RXRA: variants seen among roughly 807,000 people sequenced by gnomAD.
RXRA encodes retinoic acid receptor RXR-alpha.
Under a neutral mutation model 44.5 loss-of-function variants are expected in RXRA, and 5 were observed. The observed-to-expected ratio is 0.11, with a 90% CI of 0.06 to 0.24. The LOEUF is 0.24. Ranked by LOEUF, RXRA falls within the 10% of genes least tolerant of loss-of-function variation. The pLI is 1.00. For missense variants in RXRA, 412 were observed against 646.5 expected (o/e 0.64, Z 3.93); for synonymous variants, 291 against 271.4 (o/e 1.07, Z -0.71).
intron 1 of RXRA, among the ~76,000 whole-genome samples, chr9:134,388,088 T>C (rs1830746724): frequency 6.6e-6 from 1 of 152,124 alleles, no homozygotes; most frequent in African/African-American, 2.4e-5. Flanking sequence ...GGTTTACTCA[T>C]CTGTAAAGTG....
intron 6 of RXRA, 47 bp from the exon 7 acceptor site, chr9:134,429,061 C>A: frequency 6.2e-7 from 1 of 1,607,738 alleles, no homozygotes; most frequent in Non-Finnish European, 8.5e-7. Context: ...AGGGGCGAGC[C>A]CCGTGGGGCC....
At chr9:134,403,746 G>C (rs34799097) in intron 2 of RXRA, 34 of 152,772 alleles carry the variant, frequency 2.2e-4, no homozygotes, top group African/African-American at 7.9e-4. Context: ...GTTGCTTCCT[G>C]TGCAGCCAGG....
At chr9:134,336,072 C>T (rs1439813724) in intron 1 of RXRA, among the ~76,000 whole-genome samples, 1 of 152,286 alleles carries the variant, frequency 6.6e-6, no homozygotes, top group South Asian at 2.1e-4. Context: ...ACTTTCTGCC[C>T]AGGATCAAGG....
chr9:134,394,566 G>A (rs1160920545), intron 1 of RXRA, among the ~76,000 whole-genome samples: 10 of 152,072 alleles, frequency 6.6e-5, no homozygotes, highest in Admixed American at 6.5e-5. Flanking sequence ...GGGGAGGCCC[G>A]GGCAGGGTCT....
intron 1 of RXRA, among the ~76,000 whole-genome samples, chr9:134,380,553 T>C (rs913246540): frequency 4.0e-5 from 6 of 151,410 alleles, no homozygotes; most frequent in African/African-American, 1.5e-4. Context: ...CTCGGTGTGA[T>C]GGTTGGGGTG....
intron 1 of RXRA, among the ~76,000 whole-genome samples, chr9:134,396,655 G>A (rs979812337): frequency 3.3e-5 from 5 of 151,960 alleles, no homozygotes; most frequent in Admixed American, 1.3e-4. Flanking sequence ...CCCTCCTCCC[G>A]GGCACCCTGC....
chr9:134,408,135 G>C lies in RXRA; in HGVS notation c.280-14G>C, dbSNP rs1377286120. ...GGTGTACACCCCGCTGACTGCTGTG[G>C]TTGCCCCCCCCAGCTCAGCTCACCT... is the stretch of plus-strand genomic sequence containing the variant. On this transcript the variant is annotated splice_polypyrimidine_tract_variant and intron_variant, in intron 2 of 9. Coordinates refer to ENST00000481739, the MANE Select transcript of RXRA (RefSeq NM_002957.6). 1 of 1,525,888 alleles carries C rather than the reference G, an allele frequency of 6.6e-7. No homozygotes were observed. The highest frequency in any genetic ancestry group is 1.5e-5 in the African/African-American group (1 of 66,932). The allele number at this position is 1,525,888 out of a possible 1,614,324, so 94.5% of individuals were successfully genotyped here.
rs62576336 is a variant in RXRA, at chr9:134,369,945, G to A, written c.29-31687G>A. On this transcript the variant is annotated intron_variant, in intron 1 of 9. Transcript: ENST00000481739. ...GTTTGCACACGTGGGAGCTCGCCACGGAGTCTGCCTCCTGCCCAGTGGGAT... is the reference window on the plus strand; with the variant it reads ...GTTTGCACACGTGGGAGCTCGCCACAGAGTCTGCCTCCTGCCCAGTGGGAT... Among the ~76,000 whole-genome samples the A allele has an allele frequency of 5.5e-3, 843 of 152,282 alleles. 9 individuals carry two copies. Among genetic ancestry groups the A allele is most frequent in the African/African-American group, 0.019 (804 of 41,544 alleles).
chr9:134,397,052 G>A (rs1202508644), intron 1 of RXRA, among the ~76,000 whole-genome samples: 1 of 152,234 alleles, frequency 6.6e-6, no homozygotes, highest in African/African-American at 2.4e-5. Flanking sequence ...GGCCGGAAGG[G>A]AGTTGGTGGG....
chr9:134,356,733 C>G (rs1830288588), intron 1 of RXRA, among the ~76,000 whole-genome samples: 2 of 152,230 alleles, frequency 1.3e-5, no homozygotes, highest in Admixed American at 6.5e-5. Context: ...TCACCGTTGT[C>G]CTGCTATGGA....
At chr9:134,363,264 T>C (rs1032076951) in intron 1 of RXRA, among the ~76,000 whole-genome samples, 4 of 152,224 alleles carry the variant, frequency 2.6e-5, no homozygotes, top group Non-Finnish European at 5.9e-5. Context: ...CTCGTTGCTC[T>C]GTCCTCTCCC....
At chr9:134,395,268 G>A (rs1046855272) in intron 1 of RXRA, among the ~76,000 whole-genome samples, 2 of 152,252 alleles carry the variant, frequency 1.3e-5, no homozygotes, top group Admixed American at 6.5e-5. Context: ...CTCCCTTGGC[G>A]GAGTCCCGCC....
chr9:134,424,673 T>C (rs944907331), intron 6 of RXRA: 7 of 985,302 alleles, frequency 7.1e-6, no homozygotes, highest in Middle Eastern at 1.0e-3. Context: ...CACGTCCAAT[T>C]CAGATGTGGA....
chr9:134,344,014 C>T (rs1310969999), intron 1 of RXRA, among the ~76,000 whole-genome samples: 1 of 152,168 alleles, frequency 6.6e-6, no homozygotes, highest in African/African-American at 2.4e-5. Flanking sequence ...TCCCGGGGGC[C>T]GTGCCCTATG....
chr9:134,332,895 TG>T (rs1554746842), intron 1 of RXRA, among the ~76,000 whole-genome samples: 8 of 151,626 alleles, frequency 5.3e-5, no homozygotes. Flanking sequence ...CATGGCAGCC[TG>T]GGAAGGGGGG....
At chr9:134,339,675 CTG>C (rs140800130) in intron 1 of RXRA, among the ~76,000 whole-genome samples, 2,132 of 131,086 alleles carry the variant, frequency 0.016, 32 homozygotes, top group African/African-American at 0.047. Context: ...GTGTGTGAGC[CTG>C]TGTGTGTGTG....
At chr9:134,431,758 G>T (rs1286532452) in intron 7 of RXRA, 147 bp from the exon 8 acceptor site, 3 of 592,892 alleles carry the variant, frequency 5.1e-6, no homozygotes, top group Non-Finnish European at 9.0e-6. Context: ...CCCTCTCGGG[G>T]TGTCTGGGAG....
At position 134,343,104 on chromosome 9, in the gene RXRA, G is replaced by T. The variant is rs1384269018; in HGVS notation, c.28+16445G>T. On this transcript the variant is annotated intron_variant, in intron 1 of 9. Transcript: ENST00000481739. The surrounding 1 kb of genome is among the most constrained non-coding windows in gnomAD (Gnocchi z 4.1). ...ATTTGGCCTTGGGAGGTGGGGAGGG[G>T]GTTCCTGCCCTGGAGCCAGGGAAGC... 6.6e-6 allele frequency among the ~76,000 whole-genome samples: 1 copy of T among 152,128 alleles called. No homozygotes were observed. The highest frequency in any genetic ancestry group is 1.9e-4 in the East Asian group (1 of 5,172).
At chr9:134,344,811 C>T (rs1423230738) in intron 1 of RXRA, among the ~76,000 whole-genome samples, 1 of 152,250 alleles carries the variant, frequency 6.6e-6, no homozygotes, top group Non-Finnish European at 1.5e-5. Context: ...AGGAGACTTT[C>T]TGAGCTTAGG....
Sources: gnomAD v4.1 joint callset for allele counts (sites outside exome capture counted in the v4.1 genomes callset) on GRCh38, gnomAD v4.1.1 for gene constraint, Gnocchi (gnomAD v3.1) non-coding constraint, MANE v1.5 for transcripts, NCBI Gene and HGNC (gene_info 2026-07-23, HGNC 2026-07-21) for gene names.